Variants in AKR7A3 observed in about 807,000 individuals in gnomAD.
The protein encoded by AKR7A3 is AFB1 aldehyde reductase 2.
A neutral mutation model predicts 32.5 loss-of-function variants in AKR7A3; 37 were observed. The ratio of observed to expected loss-of-function variants is 1.14; its 90% CI spans 0.88 to 1.50. The LOEUF (loss-of-function observed/expected upper bound fraction) is 1.50, where lower values mean the gene tolerates loss of function less well. Among genes scored for constraint, AKR7A3 ranks in the 40% most tolerant of loss-of-function variants. The pLI is 0.00. For synonymous variants in AKR7A3, 177 were observed against 188.4 expected, an observed-to-expected ratio of 0.94 and a Z score of 0.50; for missense variants, 412 against 453.2, an observed-to-expected ratio of 0.91 and a Z score of 0.83.
At position 19,286,200 on chromosome 1, in the gene AKR7A3, G is replaced by A. The variant is rs2093729441; in HGVS notation, c.387C>T (p.His129=). 1.9e-6 allele frequency: 3 copies of A among 1,612,848 alleles called. No individual in the cohort carries two copies. Among genetic ancestry groups the A allele is most frequent in the South Asian group, 1.1e-5 (1 of 91,026 alleles). ...TPVEETLRAC[H]QLHQEGKFVE... is the part of the protein sequence containing the mutation. The stretch of plus-strand genomic sequence containing the variant: ...GTCCCCTCACCTCCTGGTGCAGCTG[G>A]TGGCAGGCACGCAGTGTCTCTTCCA... The change falls in exon 2 of 7, where the codon CAC becomes CAT. Residue 129 remains histidine (H), a synonymous_variant. Transcript: ENST00000361640.
Position 19,284,068 on chromosome 1 carries a change from G to C in AKR7A3, c.762C>G (p.Ala254=). ...GIALVEKALQ[A]AYGASAPSMT... ...TGCTGGGGGCGCTGGCGCCATACGC[G>C]GCCTGCAGGGCCTTCTCCACCAGGG... The change falls in exon 6 of 7, where the codon GCC becomes GCG. Residue 254 remains alanine (A), a synonymous_variant. Transcript: ENST00000361640. The C allele has an allele frequency of 6.2e-7, 1 of 1,613,656 alleles. No homozygotes were observed. Among genetic ancestry groups the C allele is most frequent in the Non-Finnish European group, 8.5e-7 (1 of 1,179,846 alleles).
downstream of AKR7A3, among the ~76,000 whole-genome samples, chr1:19,281,502 G>A (rs1176817351): frequency 6.6e-6 from 1 of 151,644 alleles, no homozygotes; most frequent in African/African-American, 2.4e-5. Flanking sequence ...CAGGTGGGTG[G>A]CTCACACCTG....
chr1:19,287,189 C>T (rs530643105), intron 1 of AKR7A3, among the ~76,000 whole-genome samples: 1 of 151,442 alleles, frequency 6.6e-6, no homozygotes, highest in African/African-American at 2.4e-5. Context: ...CTGTAGTAGT[C>T]CCAGCTACTC....
chr1:19,282,571 C>G (rs149375031), downstream of AKR7A3: 956 of 1,217,942 alleles, frequency 7.8e-4, 17 homozygotes, highest in African/African-American at 0.013. Context: ...CACACAGCAC[C>G]CTGGGAGTTT....
Position 19,286,307 on chromosome 1 carries a change from G to C in AKR7A3, c.280C>G (p.Gln94Glu). 1 of 1,613,896 alleles carries C rather than the reference G, an allele frequency of 6.2e-7. No homozygotes were observed. The change falls in exon 2 of 7, where the codon CAG (glutamine) becomes GAG (glutamate). Residue 94 changes from glutamine to glutamate, a missense_variant. Gln to Glu is a conservative substitution (Grantham distance 29, BLOSUM62 2). Coordinates refer to ENST00000361640, the MANE Select transcript of AKR7A3 (RefSeq NM_012067.3). ...NSLKPDSLRF[Q>E]LETSLKRLQC... ...AGCCGCTTCAGTGACGTCTCCAGCT[G>C]GAACCGGAGACTGTCAGGCTTCAGG...
chr1:19,286,017 A>C, intron 2 of AKR7A3, 25 bp from the exon 3 acceptor site: 14 of 1,613,218 alleles, frequency 8.7e-6, no homozygotes, highest in Non-Finnish European at 1.2e-5. Context: ...CTCCAGTCAG[A>C]ACATAGTGCA....
chr1:19,285,140 G>T, intron 3 of AKR7A3, 26 bp from the exon 4 acceptor site: 2 of 1,608,628 alleles, frequency 1.2e-6, no homozygotes, highest in South Asian at 1.1e-5. Context: ...CCCCGGGGGA[G>T]AGGGTGGATG....
At position 19,282,584 on chromosome 1, in the gene AKR7A3, T is replaced by C; in HGVS notation, c.*147A>G. The C allele has an allele frequency of 7.4e-7, 1 of 1,353,496 alleles. No individual in the cohort carries two copies. Among genetic ancestry groups the C allele is most frequent in the Non-Finnish European group, 1.0e-6 (1 of 979,292 alleles). 83.8% of individuals were successfully genotyped at this position (1,353,496 alleles called of 1,614,324 possible). On this transcript the variant is annotated 3_prime_UTR_variant, in exon 7 of 7. Transcript: ENST00000361640. ...AACACACAGCACCCTGGGAGTTTTA[T>C]TCTTCATTTGGTGGTGACTCTTCTA... is the stretch of plus-strand genomic sequence containing the variant.
At chr1:19,277,201 TAGAAAATAATA>T in the AKR7A3 span, among the ~76,000 whole-genome samples, 4 of 151,538 alleles carry the variant, frequency 2.6e-5, no homozygotes, top group Non-Finnish European at 5.9e-5. Context: ...GGAATTAAAC[TAGAAAATAATA>T]ACAGAACTTA....
At chr1:19,281,738 T>C (rs761417275), downstream of AKR7A3, among the ~76,000 whole-genome samples, 11 of 152,168 alleles carry the variant, frequency 7.2e-5, no homozygotes, top group East Asian at 1.9e-4. Context: ...TTTTAAGCAA[T>C]TGAATTTTGC....
intron 1 of AKR7A3, 21 bp downstream of exon 1, chr1:19,288,475 A>G (rs1208053896): frequency 5.0e-6 from 8 of 1,607,098 alleles, no homozygotes; most frequent in South Asian, 1.1e-5. Flanking sequence ...GTGCAGGGGG[A>G]GGATCAGGGG....
chr1:19,286,949 T>A (rs1569658363), intron 1 of AKR7A3, among the ~76,000 whole-genome samples: 1 of 151,272 alleles, frequency 6.6e-6, no homozygotes. Flanking sequence ...CAGCCAACCT[T>A]GGACTCAGAC....
At chr1:19,274,306 T>C in the AKR7A3 span, 19 of 761,494 alleles carry the variant, frequency 2.5e-5, no homozygotes, top group African/African-American at 3.6e-4. Context: ...TGGCTGTGGC[T>C]TCGTACCGGT....
chr1:19,286,484 A>C, intron 1 of AKR7A3, 112 bp from the exon 2 acceptor site: 1 of 1,094,246 alleles, frequency 9.1e-7, no homozygotes, highest in South Asian at 1.5e-5. Context: ...GTTCAAGACC[A>C]GCTGGACCAA....
At chr1:19,286,496 A>T in intron 1 of AKR7A3, 124 bp from the exon 2 acceptor site, 2 of 960,574 alleles carry the variant, frequency 2.1e-6, no homozygotes, top group Admixed American at 4.8e-5. Context: ...CTGGACCAAC[A>T]TGGTGAAACC....
chr1:19,284,452 T>G (rs1305200444), intron 5 of AKR7A3, among the ~76,000 whole-genome samples: 1 of 151,826 alleles, frequency 6.6e-6, no homozygotes, highest in Non-Finnish European at 1.5e-5. Flanking sequence ...TCCTAGCAGG[T>G]GATTGCTCAG....
At chr1:19,285,591 G>A (rs1238635791) in intron 3 of AKR7A3, among the ~76,000 whole-genome samples, 1 of 151,712 alleles carries the variant, frequency 6.6e-6, no homozygotes, top group South Asian at 2.1e-4. Context: ...TGTGAGACCT[G>A]AACCATTCTC....
At chr1:19,287,521 C>G (rs1030028817) in intron 1 of AKR7A3, among the ~76,000 whole-genome samples, 3 of 151,892 alleles carry the variant, frequency 2.0e-5, no homozygotes, top group Admixed American at 2.0e-4. Flanking sequence ...GCTAACATTT[C>G]CCAGCCCTCA....
chr1:19,274,375 G>A, the AKR7A3 span, among the ~76,000 whole-genome samples: 21 of 151,974 alleles, frequency 1.4e-4, no homozygotes, highest in Admixed American at 5.9e-4. Context: ...GGGGTCCAAG[G>A]GTGGCGAAGA....
Sources: gnomAD v4.1 joint callset for allele counts (sites outside exome capture counted in the v4.1 genomes callset) on GRCh38, gnomAD v4.1.1 for gene constraint, MANE v1.5 for transcripts, NCBI Gene and HGNC (gene_info 2026-07-23, HGNC 2026-07-21) for gene names.